Variants in MEI4 observed in about 807,000 individuals in gnomAD.
MEI4 encodes meiosis-specific protein MEI4.
MEI4 carries 27 observed loss-of-function variants against 31.4 expected under a neutral mutation model. That is an observed-to-expected ratio of 0.86 (90% CI 0.63 to 1.19). The LOEUF is 1.19. Ranked by LOEUF, MEI4 falls within the 50% of genes most tolerant of loss-of-function variation. The pLI, the probability that MEI4 is intolerant of heterozygous loss-of-function variation, is 0.00. For missense variants in MEI4, 329 were observed against 398.9 expected, an observed-to-expected ratio of 0.82 and a Z score of 1.49; for synonymous variants, 122 against 145.4, an observed-to-expected ratio of 0.84 and a Z score of 1.16.
chr6:77,887,458 G>A (rs1301827747), intron 4 of MEI4, among the ~76,000 whole-genome samples: 3 of 151,686 alleles, frequency 2.0e-5, no homozygotes, highest in Admixed American at 6.6e-5. Flanking sequence ...CACCACACCC[G>A]GCTAATTTTT....
At position 77,825,918 on chromosome 6, in the gene MEI4, A is replaced by G. The variant is rs879486980; in HGVS notation, c.769-3013A>G. 3.5e-4 allele frequency among the ~76,000 whole-genome samples: 54 copies of G among 152,182 alleles called. 1 individual carries two copies. Among genetic ancestry groups the G allele is most frequent in the African/African-American group, 9.4e-4 (39 of 41,448 alleles). ...AGAGGAGTGTCTTCAGTTACAATCT[A>G]TACTCTGTGCATGCAGTTTATTCAT... On this transcript the variant is annotated intron_variant, in intron 3 of 4. Transcript: ENST00000684080.
chr6:77,772,295 A>G, intron 3 of MEI4, among the ~76,000 whole-genome samples: 1 of 151,334 alleles, frequency 6.6e-6, no homozygotes, highest in East Asian at 1.9e-4. Context: ...AGTATCCCTC[A>G]TGAACATTGT....
At chr6:77,798,287 C>T (rs917889921) in intron 3 of MEI4, among the ~76,000 whole-genome samples, 1 of 151,162 alleles carries the variant, frequency 6.6e-6, no homozygotes, top group East Asian at 1.9e-4. Context: ...AACGGCAGGT[C>T]TAAATCCTAA....
intron 4 of MEI4, among the ~76,000 whole-genome samples, chr6:77,846,980 C>T (rs147138785): frequency 9.9e-5 from 15 of 152,168 alleles, no homozygotes; most frequent in African/African-American, 3.6e-4. Flanking sequence ...ATTTTTCCGT[C>T]ATAGATTCTT....
chr6:77,895,196 T>C (rs893642867), intron 4 of MEI4, among the ~76,000 whole-genome samples: 2 of 152,180 alleles, frequency 1.3e-5, no homozygotes, highest in Non-Finnish European at 2.9e-5. Context: ...TCCTCATGGA[T>C]TCCAACACAC....
intron 3 of MEI4, among the ~76,000 whole-genome samples, chr6:77,767,530 A>G (rs547607314): frequency 6.6e-6 from 1 of 152,070 alleles, no homozygotes; most frequent in South Asian, 2.1e-4. Context: ...CCCTGTCTCT[A>G]CAAAAATTCC....
chr6:77,916,903 A>G (rs908045429), intron 4 of MEI4, among the ~76,000 whole-genome samples: 2 of 150,732 alleles, frequency 1.3e-5, no homozygotes, highest in Non-Finnish European at 3.0e-5. Context: ...ATATCTCCCA[A>G]TGCTATCCCT....
At chr6:77,746,317 A>C (rs1489218481) in intron 2 of MEI4, among the ~76,000 whole-genome samples, 1 of 152,220 alleles carries the variant, frequency 6.6e-6, no homozygotes, top group Non-Finnish European at 1.5e-5. Context: ...TTGAACTGGT[A>C]GGCTGAGTAA....
intron 3 of MEI4, among the ~76,000 whole-genome samples, chr6:77,801,725 G>T (rs1170850112): frequency 6.6e-6 from 1 of 152,136 alleles, no homozygotes; most frequent in Non-Finnish European, 1.5e-5. Context: ...CCTTCATTTT[G>T]TTGTGTACCC....
At chr6:77,747,565 C>T (rs1049602355) in intron 2 of MEI4, among the ~76,000 whole-genome samples, 2 of 152,024 alleles carry the variant, frequency 1.3e-5, no homozygotes, top group African/African-American at 2.4e-5. Context: ...TAGGGGAAAC[C>T]ACCCCTATGA....
rs146068557 is a variant in MEI4 at position 77,690,632 on chromosome 6, A to G, written c.-14-26A>G. The G allele has an allele frequency of 3.1e-4, 347 of 1,107,028 alleles. 2 individuals are homozygous for G. In the East Asian group the frequency reaches 0.011, roughly 34 times the overall value. 68.6% of individuals were successfully genotyped at this position (1,107,028 alleles called of 1,614,324 possible). A position where few individuals can be genotyped will look rare whatever the true frequency, so the allele number is the denominator to read the frequency against. On this transcript the variant is annotated intron_variant, in intron 1 of 4. Coordinates refer to ENST00000684080, the MANE Select transcript of MEI4 (RefSeq NM_001322247.2). ...ACTGCACAAGTTAAAAAGAATTTCT[A>G]TAACTTTTTTCTTATTAAATGATAG...
chr6:77,910,526 T>C (rs1320481798), intron 4 of MEI4, among the ~76,000 whole-genome samples: 4 of 152,152 alleles, frequency 2.6e-5, no homozygotes, highest in Non-Finnish European at 4.4e-5. Flanking sequence ...CAAGGAGAAC[T>C]AGAAACAACT....
intron 2 of MEI4, chr6:77,716,803 C>T (rs996586304): frequency 1.2e-6 from 1 of 834,288 alleles, no homozygotes; most frequent in African/African-American, 1.8e-5. Context: ...TGCATGTTGT[C>T]ATGTGGAAGT....
At chr6:77,724,942 G>T (rs1465781603) in intron 2 of MEI4, among the ~76,000 whole-genome samples, 1 of 144,188 alleles carries the variant, frequency 6.9e-6, no homozygotes, top group East Asian at 2.0e-4. Flanking sequence ...CCGCTTCCAG[G>T]GGCATCAGAA....
chr6:77,746,601 C>T (rs1300025710), intron 2 of MEI4, among the ~76,000 whole-genome samples: 1 of 151,642 alleles, frequency 6.6e-6, no homozygotes, highest in Non-Finnish European at 1.5e-5. Flanking sequence ...ATGCTTGCTT[C>T]AGCCAATTGC....
At chr6:77,860,430 C>A (rs1770838373) in intron 4 of MEI4, among the ~76,000 whole-genome samples, 1 of 152,098 alleles carries the variant, frequency 6.6e-6, no homozygotes, top group Admixed American at 6.6e-5. Context: ...AAAACCTATT[C>A]ACACTCAGAT....
At chr6:77,822,290 AG>A (rs1769844653) in intron 3 of MEI4, among the ~76,000 whole-genome samples, 1 of 152,180 alleles carries the variant, frequency 6.6e-6, no homozygotes, top group Non-Finnish European at 1.5e-5. Flanking sequence ...GTGATTTGGC[AG>A]GGCCCTGACC....
intron 4 of MEI4, among the ~76,000 whole-genome samples, chr6:77,886,483 T>A (rs1305454989): frequency 6.6e-6 from 1 of 151,958 alleles, no homozygotes; most frequent in African/African-American, 2.4e-5. Flanking sequence ...CAAGCTGGAG[T>A]GCAGTGGTGC....
Position 77,923,113 on chromosome 6 carries a change from CGCTA to C in MEI4, c.926_929del (p.Arg309LeufsTer27). On this transcript the variant is annotated frameshift_variant, in exon 5 of 5. Transcript: ENST00000684080. LOFTEE classifies it high-confidence loss of function. ...GGAGCAAGCCAGTTATGATGTGTCA[CGCTA>C]TGAAAACATTTTCTACCTGTTCTGG... 2 of 1,230,052 alleles carry C rather than the reference CGCTA, an allele frequency of 1.6e-6. No homozygotes were observed. Among genetic ancestry groups the C allele is most frequent in the Non-Finnish European group, 2.0e-6 (2 of 986,480 alleles). The allele number at this position is 1,230,052 out of a possible 1,614,324, so 76.2% of individuals were successfully genotyped here.
Sources: gnomAD v4.1 joint callset for allele counts (sites outside exome capture counted in the v4.1 genomes callset) on GRCh38, gnomAD v4.1.1 for gene constraint, MANE v1.5 for transcripts, NCBI Gene and HGNC (gene_info 2026-07-23, HGNC 2026-07-21) for gene names.